Variants in FANCM observed in about 807,000 individuals in gnomAD.
The protein encoded by FANCM is FA complementation group M, also known as Fanconi anemia group M protein.
FANCM carries 140 observed loss-of-function variants against 199.5 expected under a neutral mutation model. That is an observed-to-expected ratio of 0.70 (90% CI 0.61 to 0.81). The LOEUF is 0.81. Among genes scored for constraint, FANCM ranks in the 30% least tolerant of loss-of-function variants. The probability of loss-of-function intolerance (pLI) is 0.00; values close to 1 mark genes in which losing one functional copy is unlikely to be tolerated. For synonymous variants in FANCM, 840 were observed against 836.8 expected, an observed-to-expected ratio of 1.00 and a Z score of -0.07; for missense variants, 2,410 against 2,421.4, an observed-to-expected ratio of 1.00 and a Z score of 0.10.
chr14:45,141,306 A>G (rs1885918549), intron 3 of FANCM, among the ~76,000 whole-genome samples: 1 of 151,314 alleles, frequency 6.6e-6, no homozygotes, highest in African/African-American at 2.4e-5. Flanking sequence ...AAAAAAAAAA[A>G]AAGAAAGCAA....
intron 12 of FANCM, among the ~76,000 whole-genome samples, chr14:45,172,392 G>T (rs1379930352): frequency 6.6e-6 from 1 of 152,106 alleles, no homozygotes; most frequent in Non-Finnish European, 1.5e-5. Flanking sequence ...GGTCTTAGAG[G>T]TAGGGCTTCG....
intron 20 of FANCM, chr14:45,195,676 T>C (rs751329926): frequency 2.9e-6 from 1 of 345,750 alleles, no homozygotes; most frequent in Non-Finnish European, 5.8e-6. Context: ...AGACCAGTTA[T>C]GTATTTCTAA....
intron 3 of FANCM, among the ~76,000 whole-genome samples, chr14:45,141,417 A>G (rs996504533): frequency 1.3e-5 from 2 of 151,502 alleles, no homozygotes; most frequent in Admixed American, 1.3e-4. Context: ...CATGAGAACT[A>G]CAACATTTCC....
rs113604055 is a variant in FANCM, at chr14:45,193,762, GT to G, written c.5341-2399del. Among the ~76,000 whole-genome samples the G allele has an allele frequency of 2.8e-3, 397 of 140,612 alleles. 5 individuals are homozygous for G. Among genetic ancestry groups the G allele is most frequent in the African/African-American group, 9.4e-3 (360 of 38,412 alleles). 92.2% of individuals were successfully genotyped at this position (140,612 alleles called of 152,430 possible). A position where few individuals can be genotyped will look rare whatever the true frequency, so the allele number is the denominator to read the frequency against. On this transcript the variant is annotated intron_variant, in intron 20 of 22. Transcript: ENST00000267430. Reference sequence around the variant, plus strand: ...TGGTAAGTCTGAGTTTTCTAACTTTGTTTTTTTTTTTAACATTGTTTTAGAT... The same window carrying G: ...TGGTAAGTCTGAGTTTTCTAACTTTGTTTTTTTTTTAACATTGTTTTAGAT...
chr14:45,135,993 A>G lies in FANCM; in HGVS notation c.-39A>G, dbSNP rs747210933. 1.1e-5 allele frequency: 18 copies of G among 1,610,544 alleles called. No individual in the cohort carries two copies. The highest frequency in any genetic ancestry group is 1.5e-5 in the Non-Finnish European group (18 of 1,178,560). On this transcript the variant is annotated 5_prime_UTR_variant, in exon 1 of 23. Coordinates refer to ENST00000267430, the MANE Select transcript of FANCM (RefSeq NM_020937.4). ...CCGTAGCGGTTGAGCTGCTGCTGCT[A>G]CGGATATCTGACAGAAGCCTTCGGT...
chr14:45,163,488 G>T (rs1367718687), intron 9 of FANCM, among the ~76,000 whole-genome samples: 2 of 152,268 alleles, frequency 1.3e-5, no homozygotes, highest in East Asian at 3.9e-4. Flanking sequence ...GAGCAGTTGA[G>T]AACTAAGTTT....
chr14:45,196,548 G>A lies in FANCM; in HGVS notation c.5716+1G>A. 6.2e-7 allele frequency: 1 copy of A among 1,612,674 alleles called. No individual in the cohort carries two copies. On this transcript the variant is annotated splice_donor_variant, in intron 21 of 22. Coordinates refer to ENST00000267430, the MANE Select transcript of FANCM (RefSeq NM_020937.4). LOFTEE classifies it high-confidence loss of function. ...GTGGAAAAGGACAGAGAAAAAACAG[G>A]TTTGTATTTTTAAATATCTTTGTTT...
intron 12 of FANCM, among the ~76,000 whole-genome samples, chr14:45,171,491 G>A (rs766352339): frequency 2.6e-5 from 4 of 151,778 alleles, no homozygotes; most frequent in Non-Finnish European, 4.4e-5. Context: ...TCTTCCCCCC[G>A]AGTCCACGAC....
Position 45,185,228 on chromosome 14 carries a change from G to T in FANCM, c.4527G>T (p.Arg1509Ser). The change falls in exon 18 of 23, where the codon AGG (arginine) becomes AGT (serine). Residue 1509 changes from arginine to serine, a missense_variant. Transcript: ENST00000267430. Reference protein sequence around the residue: ...KRQSHLKHVARKFLDDEAELS... With the variant: ...KRQSHLKHVASKFLDDEAELS... ...TTTGTCTTACTTAGCATGTAGCTAG[G>T]AAGTTTTTAGATGATGAAGCAGAAC... 6.3e-7 allele frequency: 1 copy of T among 1,596,642 alleles called. No individual in the cohort carries two copies. The highest frequency in any genetic ancestry group is 8.6e-7 in the Non-Finnish European group (1 of 1,165,992).
intron 22 of FANCM, 82 bp downstream of exon 22, chr14:45,199,017 T>C (rs1049687895): frequency 7.2e-6 from 8 of 1,112,722 alleles, no homozygotes; most frequent in African/African-American, 6.3e-5. Context: ...GTTAAAAAAA[T>C]TTAAGCGGCA....
chr14:45,155,288 T>A (rs1887098959), intron 7 of FANCM, 85 bp from the exon 8 acceptor site: 1 of 640,918 alleles, frequency 1.6e-6, no homozygotes, highest in African/African-American at 1.9e-5. Flanking sequence ...ACATATGCAT[T>A]GGAAAAGATA....
Position 45,200,825 on chromosome 14 carries a change from A to G in FANCM, c.*817A>G, listed in dbSNP as rs1890313354. 1 of 152,228 alleles carries G rather than the reference A, an allele frequency of 6.6e-6. No homozygotes were observed. Among genetic ancestry groups the G allele is most frequent in the South Asian group, 2.1e-4 (1 of 4,834 alleles). 9.4% of individuals were successfully genotyped at this position (152,228 alleles called of 1,614,324 possible). Reference sequence around the variant, plus strand: ...TTGCTTCCCCTCCACCATGATTGTAAGTTCCCGAGGCCTCCCCAGCCATGC... The same window carrying G: ...TTGCTTCCCCTCCACCATGATTGTAGGTTCCCGAGGCCTCCCCAGCCATGC... On this transcript the variant is annotated 3_prime_UTR_variant, in exon 23 of 23. Transcript: ENST00000267430.
intron 21 of FANCM, among the ~76,000 whole-genome samples, chr14:45,196,816 C>G (rs1174994689): frequency 6.6e-6 from 1 of 152,178 alleles, no homozygotes; most frequent in Admixed American, 6.5e-5. Flanking sequence ...AGGGCCTTAA[C>G]TAAGGCAGCA....
chr14:45,171,435 A>G (rs1339329028), intron 12 of FANCM, among the ~76,000 whole-genome samples: 4 of 152,014 alleles, frequency 2.6e-5, no homozygotes, highest in Non-Finnish European at 2.9e-5. Flanking sequence ...CGAGCAGTGT[A>G]CACTGCACCC....
chr14:45,199,280 A>T (rs1363580125), intron 22 of FANCM, among the ~76,000 whole-genome samples: 1 of 152,222 alleles, frequency 6.6e-6, no homozygotes, highest in Non-Finnish European at 1.5e-5. Flanking sequence ...TGTGATCATT[A>T]TATTGCTTGA....
intron 2 of FANCM, chr14:45,137,628 A>G: frequency 7.4e-6 from 2 of 270,368 alleles, no homozygotes; most frequent in Non-Finnish European, 7.2e-6. Context: ...AGGTAAAATA[A>G]TGACATAATG....
chr14:45,197,331 T>C (rs1890114874), intron 21 of FANCM, among the ~76,000 whole-genome samples: 1 of 152,234 alleles, frequency 6.6e-6, no homozygotes, highest in South Asian at 2.1e-4. Flanking sequence ...AATTGAAGAA[T>C]TATACTTTTG....
At chr14:45,173,235 T>A in intron 13 of FANCM, 25 bp downstream of exon 13, 2 of 1,603,034 alleles carry the variant, frequency 1.2e-6, no homozygotes, top group Non-Finnish European at 1.7e-6. Context: ...TAACTTTCTC[T>A]TGCTGGTATG....
chr14:45,168,770 A>T (rs1483028415), intron 11 of FANCM, among the ~76,000 whole-genome samples: 1 of 148,002 alleles, frequency 6.8e-6, no homozygotes, highest in East Asian at 1.9e-4. Context: ...TAGTGTTTAT[A>T]CATAGTATAT....
Sources: allele counts gnomAD v4.1 joint callset (sites outside exome capture counted in the v4.1 genomes callset), GRCh38; gene constraint gnomAD v4.1.1; transcripts MANE v1.5; gene names NCBI Gene and HGNC (gene_info 2026-07-23, HGNC 2026-07-21).